Variants in COMMD7 observed in about 807,000 individuals in gnomAD.
COMMD7 encodes the protein COMM domain containing 7.
Under a neutral mutation model 34.8 loss-of-function variants are expected in COMMD7, and 28 were observed. The ratio of observed to expected loss-of-function variants is 0.80; its 90% CI spans 0.60 to 1.10. COMMD7 has a LOEUF of 1.10. Ranked by LOEUF, COMMD7 falls within the 50% of genes least tolerant of loss-of-function variation. The pLI is 0.00. For missense variants in COMMD7, 211 were observed against 241.6 expected (o/e 0.87, Z 0.84); for synonymous variants, 80 against 86.4 (o/e 0.93, Z 0.41).
chr20:32,707,301 A>ATATC (rs1984156677), intron 3 of COMMD7, among the ~76,000 whole-genome samples: 1 of 136,284 alleles, frequency 7.3e-6, no homozygotes, highest in Non-Finnish European at 1.6e-5. Context: ...AAAAATATAT[A>ATATC]TATATATACT....
rs1040756760 is a variant in COMMD7 at position 32,703,213 on chromosome 20, A to T, written c.*169T>A. ...CAGGGTAATTGTGTTGGGCTCTTTC[A>T]GTACTTAATCCTGCTGTTTTTCAGA... On this transcript the variant is annotated 3_prime_UTR_variant, in exon 9 of 9. Transcript: ENST00000278980. 2 of 552,766 alleles carry T rather than the reference A, an allele frequency of 3.6e-6. No individual in the cohort carries two copies. Among genetic ancestry groups the T allele is most frequent in the South Asian group, 5.5e-5 (2 of 36,610 alleles). 34.2% of individuals were successfully genotyped at this position (552,766 alleles called of 1,614,324 possible).
chr20:32,738,673 C>G (rs762032599), intron 1 of COMMD7, among the ~76,000 whole-genome samples: 2 of 151,938 alleles, frequency 1.3e-5, no homozygotes, highest in Non-Finnish European at 2.9e-5. Flanking sequence ...CCCCCTACCT[C>G]TACCTCCCAA....
chr20:32,704,526 GA>G, intron 6 of COMMD7, 37 bp from the exon 7 acceptor site: 2 of 1,581,728 alleles, frequency 1.3e-6, no homozygotes, highest in East Asian at 4.5e-5. Flanking sequence ...GAGAGAGAGA[GA>G]AATAACAAGT....
intron 3 of COMMD7, among the ~76,000 whole-genome samples, chr20:32,714,159 A>G (rs1984634375): frequency 6.6e-6 from 1 of 152,090 alleles, no homozygotes; most frequent in Non-Finnish European, 1.5e-5. Context: ...GGAAAGTGCC[A>G]TGGAGAAAAA....
At chr20:32,739,059 A>T (rs563276865) in intron 1 of COMMD7, among the ~76,000 whole-genome samples, 18 of 152,334 alleles carry the variant, frequency 1.2e-4, no homozygotes, top group Admixed American at 5.9e-4. Flanking sequence ...GTTGTTATGC[A>T]TACATTTAAA....
chr20:32,711,768 A>G (rs1984458217), intron 3 of COMMD7, among the ~76,000 whole-genome samples: 1 of 147,366 alleles, frequency 6.8e-6, no homozygotes, highest in Admixed American at 6.9e-5. Flanking sequence ...TGCCAGCCAC[A>G]AGACAGACCT....
At chr20:32,741,263 A>G (rs1457530323) in intron 1 of COMMD7, among the ~76,000 whole-genome samples, 1 of 150,874 alleles carries the variant, frequency 6.6e-6, no homozygotes, top group Non-Finnish European at 1.5e-5. Flanking sequence ...CTGGAGTGCA[A>G]TGGCTATTCA....
chr20:32,741,791 AC>A (rs1358682976), intron 1 of COMMD7, among the ~76,000 whole-genome samples: 4 of 152,212 alleles, frequency 2.6e-5, no homozygotes, highest in Admixed American at 2.0e-4. Context: ...GGTATTCAGT[AC>A]AGTCACATGC....
At chr20:32,712,008 A>G (rs919464451) in intron 3 of COMMD7, among the ~76,000 whole-genome samples, 1 of 75,324 alleles carries the variant, frequency 1.3e-5, no homozygotes, top group Non-Finnish European at 3.6e-5. Flanking sequence ...ACGATGGCTC[A>G]TGCCTGTAAT....
chr20:32,703,862 CCTTGTGCCAT>C, intron 8 of COMMD7, 151 bp downstream of exon 8: 1 of 1,548,624 alleles, frequency 6.5e-7, no homozygotes, highest in Non-Finnish European at 8.7e-7. Context: ...TTCTAACACT[CCTTGTGCCAT>C]CTTTCAGGAG....
At chr20:32,716,850 G>GGTTA (rs928294980) in intron 3 of COMMD7, among the ~76,000 whole-genome samples, 2 of 145,358 alleles carry the variant, frequency 1.4e-5, no homozygotes, top group Non-Finnish European at 3.1e-5. Context: ...TCTGGCCATG[G>GGTTA]GTTAGTAACT....
intron 1 of COMMD7, among the ~76,000 whole-genome samples, chr20:32,730,517 T>C (rs1028813395): frequency 9.2e-5 from 14 of 151,984 alleles, no homozygotes; most frequent in African/African-American, 2.7e-4. Context: ...ATCATGCCAC[T>C]GCACTCCAGC....
chr20:32,733,457 G>A lies in COMMD7; in HGVS notation c.85-5315C>T, dbSNP rs375602320. Among the ~76,000 whole-genome samples the A allele has an allele frequency of 6.4e-4, 96 of 150,660 alleles. 1 individual carries two copies. Among genetic ancestry groups the A allele is most frequent in the South Asian group, 5.1e-3 (24 of 4,738 alleles). ...AAAATGGCCTGGAGCGGTGGCTCAC[G>A]CCTGTAATCCCAGCACTTTGGGAGG... is the stretch of plus-strand genomic sequence containing the variant. On this transcript the variant is annotated intron_variant, in intron 1 of 8. Transcript: ENST00000278980.
intron 1 of COMMD7, among the ~76,000 whole-genome samples, chr20:32,730,293 G>C (rs1308205288): frequency 3.3e-5 from 5 of 152,014 alleles, no homozygotes; most frequent in Admixed American, 2.6e-4. Flanking sequence ...GGTGGCTCAC[G>C]CATGTAATCC....
chr20:32,730,782 G>C (rs958208501), intron 1 of COMMD7, among the ~76,000 whole-genome samples: 1 of 152,070 alleles, frequency 6.6e-6, no homozygotes, highest in Non-Finnish European at 1.5e-5. Context: ...AGAGCCTCTA[G>C]CACAGAGCCA....
chr20:32,729,107 G>A (rs571932331), intron 1 of COMMD7, among the ~76,000 whole-genome samples: 1 of 151,836 alleles, frequency 6.6e-6, no homozygotes, highest in South Asian at 2.1e-4. Context: ...AGATGATAAA[G>A]GTTAAATGAG....
chr20:32,706,866 C>A, intron 3 of COMMD7, 106 bp from the exon 4 acceptor site: 1 of 831,186 alleles, frequency 1.2e-6, no homozygotes, highest in Non-Finnish European at 2.0e-6. Flanking sequence ...AAAGGAACAC[C>A]CAAAGACTGG....
chr20:32,710,069 T>G lies in COMMD7; in HGVS notation c.242-3309A>C, dbSNP rs191083821. Among the ~76,000 whole-genome samples the G allele has an allele frequency of 2.6e-5, 4 of 151,740 alleles. 1 individual carries two copies. In the Admixed American group the frequency reaches 2.6e-4, roughly 10 times the overall value. On this transcript the variant is annotated intron_variant, in intron 3 of 8. Transcript: ENST00000278980. ...AATTTTTAATTTTTTTTTCTAGAGA[T>G]AGAGTCTCACTATCTTGCCAGCTCA... is the stretch of plus-strand genomic sequence containing the variant.
intron 1 of COMMD7, 131 bp downstream of exon 1, chr20:32,743,177 C>CT: frequency 1.3e-6 from 1 of 745,298 alleles, no homozygotes; most frequent in Non-Finnish European, 2.0e-6. Context: ...TCACACACCC[C>CT]AAACGCCCAC....
Sources: allele counts gnomAD v4.1 joint callset (sites outside exome capture counted in the v4.1 genomes callset), GRCh38; gene constraint gnomAD v4.1.1; transcripts MANE v1.5; gene names NCBI Gene and HGNC (gene_info 2026-07-23, HGNC 2026-07-21).